Variants in PDZD2 observed in about 807,000 individuals in gnomAD.
The protein encoded by PDZD2 is PDZ domain-containing protein 2.
PDZD2 carries 90 observed loss-of-function variants against 220.7 expected under a neutral mutation model. That is an observed-to-expected ratio of 0.41 (90% CI 0.34 to 0.49). PDZD2 has a LOEUF of 0.49. PDZD2 is among the 20% of genes least tolerant of loss of function. PDZD2 has a pLI of 0.28. For missense variants in PDZD2, 3,174 were observed against 3,608.5 expected (o/e 0.88, Z 3.08); for synonymous variants, 1,375 against 1,450.5 (o/e 0.95, Z 1.18).
At chr5:31,831,903 G>A (rs11948634) in intron 2 of PDZD2, among the ~76,000 whole-genome samples, 5,152 of 102,654 alleles carry the variant, frequency 0.05, 418 homozygotes, top group African/African-American at 0.18. Flanking sequence ...GACAGAGTGA[G>A]ACTGTTTCAA....
intron 19 of PDZD2, 47 bp downstream of exon 19, chr5:32,077,653 A>G (rs1029030275): frequency 1.3e-6 from 2 of 1,591,656 alleles, no homozygotes; most frequent in African/African-American, 1.3e-5. Flanking sequence ...GTGGGGAGAT[A>G]CCCTAATGAA....
rs373205260 is a variant in PDZD2 at position 31,985,117 on chromosome 5, C to CAA, written c.978+1472_978+1473dup. On this transcript the variant is annotated intron_variant, in intron 3 of 24. Coordinates refer to ENST00000438447, the MANE Select transcript of PDZD2 (RefSeq NM_178140.4). Reference sequence around the variant, plus strand: ...AAGTTCCCCCAAAAAGGATTAAGGACAAAAAAAAAAAAGATTATAATATAC... The same window carrying CAA: ...AAGTTCCCCCAAAAAGGATTAAGGACAAAAAAAAAAAAAAGATTATAATATAC... Among the ~76,000 whole-genome samples the CAA allele has an allele frequency of 3.0e-3, 426 of 143,318 alleles. 1 individual carries two copies. Among genetic ancestry groups the CAA allele is most frequent in the African/African-American group, 9.0e-3 (355 of 39,362 alleles). The allele number at this position is 143,318 out of a possible 152,430, so 94.0% of individuals were successfully genotyped here.
intron 20 of PDZD2, 68 bp from the exon 21 acceptor site, chr5:32,092,839 T>C (rs1024993146): frequency 4.2e-5 from 31 of 742,780 alleles, no homozygotes; most frequent in Non-Finnish European, 6.8e-5. Flanking sequence ...TCATTTTAAA[T>C]GCATTCTTAT....
At chr5:31,975,147 T>C (rs985456824) in intron 2 of PDZD2, among the ~76,000 whole-genome samples, 6 of 152,088 alleles carry the variant, frequency 3.9e-5, no homozygotes, top group African/African-American at 1.5e-4. Context: ...TGTATTAGTT[T>C]TTCACGCTGC....
At chr5:31,746,006 T>G (rs1380204128) in intron 1 of PDZD2, among the ~76,000 whole-genome samples, 1 of 152,054 alleles carries the variant, frequency 6.6e-6, no homozygotes, top group African/African-American at 2.4e-5. Flanking sequence ...ACTGCATAGA[T>G]TGTTTCTGAG....
chr5:31,967,183 T>C (rs1269595671), intron 2 of PDZD2, among the ~76,000 whole-genome samples: 1 of 151,906 alleles, frequency 6.6e-6, no homozygotes, highest in Non-Finnish European at 1.5e-5. Context: ...GCTGGGGAAA[T>C]TGTTTCAAGA....
At chr5:31,964,659 C>T (rs898251370) in intron 2 of PDZD2, among the ~76,000 whole-genome samples, 2 of 152,214 alleles carry the variant, frequency 1.3e-5, no homozygotes, top group Admixed American at 6.5e-5. Flanking sequence ...TACTTCCCAC[C>T]ATCTCCTTTT....
At chr5:31,694,898 C>T (rs1678921) in intron 1 of PDZD2, among the ~76,000 whole-genome samples, 76,032 of 151,546 alleles carry the variant, frequency 0.5, 20,044 homozygotes, top group African/African-American at 0.67. Flanking sequence ...CCAAGGTGGG[C>T]GGATCAACTG....
chr5:31,648,756 C>T (rs1447169180), intron 1 of PDZD2, among the ~76,000 whole-genome samples: 1 of 151,934 alleles, frequency 6.6e-6, no homozygotes, highest in African/African-American at 2.4e-5. Flanking sequence ...TACCTCTTGC[C>T]CCTACACATG....
chr5:31,891,127 CTTTTTTTTT>C (rs869189606), intron 2 of PDZD2, among the ~76,000 whole-genome samples: 2 of 96,418 alleles, frequency 2.1e-5, no homozygotes, highest in Non-Finnish European at 3.9e-5. Context: ...GGGGTTTTTC[CTTTTTTTTT>C]TTTTTTTTTT....
At chr5:31,739,692 A>T (rs772840746) in intron 1 of PDZD2, among the ~76,000 whole-genome samples, 6 of 152,234 alleles carry the variant, frequency 3.9e-5, no homozygotes, top group Middle Eastern at 3.2e-3. Context: ...TGGATATTTA[A>T]CCATGTCACA....
intron 1 of PDZD2, among the ~76,000 whole-genome samples, chr5:31,793,754 C>A (rs1045417344): frequency 6.6e-6 from 1 of 152,184 alleles, no homozygotes; most frequent in Non-Finnish European, 1.5e-5. Flanking sequence ...TTGCAGTGAG[C>A]CCAGATCGCG....
intron 2 of PDZD2, among the ~76,000 whole-genome samples, chr5:31,826,663 A>G (rs1367022184): frequency 1.3e-5 from 2 of 151,532 alleles, no homozygotes; most frequent in Non-Finnish European, 2.9e-5. Context: ...GTGACAGAAC[A>G]AGACTCTGTC....
intron 24 of PDZD2, among the ~76,000 whole-genome samples, chr5:32,102,694 G>A (rs138864926): frequency 2.8e-4 from 43 of 152,186 alleles, no homozygotes; most frequent in African/African-American, 9.6e-4. Context: ...CAGCAGACCC[G>A]AAAAACAGGA....
intron 1 of PDZD2, among the ~76,000 whole-genome samples, chr5:31,748,465 T>C (rs1440651257): frequency 2.0e-5 from 3 of 152,180 alleles, no homozygotes; most frequent in Non-Finnish European, 2.9e-5. Context: ...TTTCAAAACA[T>C]AGCACATAAT....
At chr5:31,700,050 T>C (rs542701597) in intron 1 of PDZD2, among the ~76,000 whole-genome samples, 1 of 152,186 alleles carries the variant, frequency 6.6e-6, no homozygotes, top group South Asian at 2.1e-4. Context: ...GAAGCCAGCC[T>C]GGAGTGGGAC....
Position 32,067,038 on chromosome 5 carries a change from A to G in PDZD2, c.2452-2531A>G, listed in dbSNP as rs753311790. On this transcript the variant is annotated intron_variant, in intron 14 of 24. Coordinates refer to ENST00000438447, the MANE Select transcript of PDZD2 (RefSeq NM_178140.4). ...GTATTTTTCTTTTGGTTAAGATTCC[A>G]TTTTATGTTTAATGTATTTTTGTAC... is the stretch of plus-strand genomic sequence containing the variant. Among the ~76,000 whole-genome samples, 10 of 152,268 alleles carry G rather than the reference A, an allele frequency of 6.6e-5. No homozygotes were observed. The South Asian group carries it at 2.1e-3, about 32-fold the overall frequency.
intron 2 of PDZD2, among the ~76,000 whole-genome samples, chr5:31,978,141 A>T (rs1487342304): frequency 6.6e-6 from 1 of 152,216 alleles, no homozygotes; most frequent in Admixed American, 6.5e-5. Context: ...GAAAATTGCA[A>T]ATTAAAAAAA....
intron 21 of PDZD2, among the ~76,000 whole-genome samples, chr5:32,094,559 T>A (rs988738990): frequency 6.6e-6 from 1 of 152,040 alleles, no homozygotes; most frequent in Non-Finnish European, 1.5e-5. Context: ...AGGAGACCAG[T>A]CCCTTCAGGT....
Sources: gnomAD v4.1 joint callset for allele counts (sites outside exome capture counted in the v4.1 genomes callset) on GRCh38, gnomAD v4.1.1 for gene constraint, MANE v1.5 for transcripts, NCBI Gene and HGNC (gene_info 2026-07-23, HGNC 2026-07-21) for gene names.